Variants in APP observed in about 807,000 individuals in gnomAD.
APP encodes amyloid beta precursor protein.
In APP, 31 loss-of-function variants were observed where a neutral mutation model predicts 101.4. That is an observed-to-expected ratio of 0.31 (90% CI 0.23 to 0.41). The LOEUF is 0.41. APP is among the 10% of genes least tolerant of loss of function. APP has a pLI of 1.00. For synonymous variants in APP, 366 were observed against 364.4 expected, an observed-to-expected ratio of 1.00 and a Z score of -0.05; for missense variants, 839 against 1,003.7, an observed-to-expected ratio of 0.84 and a Z score of 2.22.
intron 2 of APP, among the ~76,000 whole-genome samples, chr21:26,108,150 G>A (rs576181745): frequency 2.0e-5 from 3 of 152,202 alleles, no homozygotes; most frequent in African/African-American, 4.8e-5. Flanking sequence ...ACTGTTCCAC[G>A]GAAACAGAAT....
chr21:25,939,827 A>T (rs959544288), intron 13 of APP, among the ~76,000 whole-genome samples: 3 of 152,212 alleles, frequency 2.0e-5, no homozygotes, highest in African/African-American at 4.8e-5. Context: ...ATTACAAAAA[A>T]AAAAAGTACT....
intron 3 of APP, among the ~76,000 whole-genome samples, chr21:26,076,708 C>G (rs536839252): frequency 6.6e-6 from 1 of 152,170 alleles, no homozygotes; most frequent in African/African-American, 2.4e-5. Context: ...CACAGTTTAG[C>G]TTTATCTAAT....
At chr21:26,042,303 T>C (rs1287246127) in intron 5 of APP, among the ~76,000 whole-genome samples, 1 of 152,212 alleles carries the variant, frequency 6.6e-6, no homozygotes, top group Admixed American at 6.5e-5. Context: ...TGAATAGACA[T>C]AAATTCTCAT....
chr21:26,021,814 G>C, intron 6 of APP, 26 bp downstream of exon 6: 1 of 1,610,454 alleles, frequency 6.2e-7, no homozygotes, highest in East Asian at 2.2e-5. Context: ...TGGGGGTGGG[G>C]GGAATCCAAG....
intron 2 of APP, among the ~76,000 whole-genome samples, chr21:26,108,064 C>A (rs2062224482): frequency 6.6e-6 from 1 of 152,180 alleles, no homozygotes; most frequent in Non-Finnish European, 1.5e-5. Context: ...CCTCCCTCTC[C>A]CACTTGCCAG....
rs886056998 is a variant in APP at position 26,170,752 on chromosome 21, C to G, written c.-132G>C. The stretch of plus-strand genomic sequence containing the variant: ...CGCTCCTCCGCGTGCTCTCGCCTAC[C>G]GCTGCCGAGGAAACTGACGGAGCCC... On this transcript the variant is annotated 5_prime_UTR_variant, in exon 1 of 18. Transcript: ENST00000346798. The G allele has an allele frequency of 3.0e-6, 3 of 990,850 alleles. No homozygotes were observed. Among genetic ancestry groups the G allele is most frequent in the African/African-American group, 1.7e-5 (1 of 57,858 alleles). The allele number at this position is 990,850 out of a possible 1,614,324, so 61.4% of individuals were successfully genotyped here. A position where few individuals can be genotyped will look rare whatever the true frequency, so the allele number is the denominator to read the frequency against.
chr21:26,002,816 A>G (rs558641598), intron 6 of APP, among the ~76,000 whole-genome samples: 3 of 152,348 alleles, frequency 2.0e-5, no homozygotes, highest in Admixed American at 6.5e-5. Flanking sequence ...GTGTCTTCTT[A>G]TAGATGTGTG....
At chr21:26,020,662 A>C (rs2044296430) in intron 6 of APP, among the ~76,000 whole-genome samples, 1 of 152,328 alleles carries the variant, frequency 6.6e-6, no homozygotes, top group East Asian at 1.9e-4. Flanking sequence ...TTCAGTAAGT[A>C]CATATTCATT....
At chr21:25,974,430 G>C (rs1007026032) in intron 11 of APP, among the ~76,000 whole-genome samples, 41 of 152,108 alleles carry the variant, frequency 2.7e-4, no homozygotes, top group Middle Eastern at 3.2e-3. Flanking sequence ...AGGCATGAGG[G>C]CAGAGCCTTC....
At chr21:25,882,316 G>T (rs2037042835) in intron 17 of APP, among the ~76,000 whole-genome samples, 2 of 150,266 alleles carry the variant, frequency 1.3e-5, no homozygotes, top group Non-Finnish European at 2.9e-5. Flanking sequence ...TTAAGGAGAG[G>T]TTTGAGAATC....
At chr21:26,162,704 C>T (rs2063516323) in intron 1 of APP, among the ~76,000 whole-genome samples, 1 of 150,976 alleles carries the variant, frequency 6.6e-6, no homozygotes, top group Admixed American at 6.6e-5. Flanking sequence ...CATTTCTTCA[C>T]TTAACACAAA....
intron 6 of APP, among the ~76,000 whole-genome samples, chr21:26,008,302 A>G (rs2043627652): frequency 6.6e-6 from 1 of 152,200 alleles, no homozygotes; most frequent in African/African-American, 2.4e-5. Flanking sequence ...AACACTCACA[A>G]AAGGGTACCA....
chr21:25,946,945 G>C (rs2040848856), intron 13 of APP, among the ~76,000 whole-genome samples: 1 of 152,146 alleles, frequency 6.6e-6, no homozygotes, highest in Non-Finnish European at 1.5e-5. Flanking sequence ...GAATGGTAGA[G>C]AGCGCAATAT....
chr21:26,044,980 C>G (rs2045543622), intron 5 of APP, among the ~76,000 whole-genome samples: 1 of 152,136 alleles, frequency 6.6e-6, no homozygotes, highest in Non-Finnish European at 1.5e-5. Flanking sequence ...TATTCCTTGC[C>G]ATTTTATGAT....
chr21:25,908,824 C>G (rs56165495), intron 14 of APP, among the ~76,000 whole-genome samples: 110 of 152,132 alleles, frequency 7.2e-4, no homozygotes, highest in African/African-American at 2.0e-3. Context: ...ATTTTACAGA[C>G]GAGGAAGCAG....
intron 3 of APP, among the ~76,000 whole-genome samples, chr21:26,065,502 A>G (rs2046422954): frequency 6.6e-6 from 1 of 152,218 alleles, no homozygotes; most frequent in Non-Finnish European, 1.5e-5. Context: ...TCACATATAT[A>G]CCGAAAATTC....
chr21:26,054,327 A>G (rs770332907), intron 3 of APP, among the ~76,000 whole-genome samples: 18 of 152,172 alleles, frequency 1.2e-4, no homozygotes, highest in Non-Finnish European at 2.5e-4. Flanking sequence ...TTGCCATTAT[A>G]CCCCCACAAT....
At chr21:25,972,759 G>A (rs1298865578) in intron 11 of APP, among the ~76,000 whole-genome samples, 1 of 151,804 alleles carries the variant, frequency 6.6e-6, no homozygotes, top group East Asian at 1.9e-4. Flanking sequence ...AGCTGGATCT[G>A]CGCAAAGAGT....
Position 26,121,622 on chromosome 21 carries a change from G to A in APP, c.58-9476C>T, listed in dbSNP as rs1350443450. Among the ~76,000 whole-genome samples, 9 of 152,122 alleles carry A rather than the reference G, an allele frequency of 5.9e-5. No individual in the cohort carries two copies. In the East Asian group the frequency reaches 1.2e-3, roughly 20 times the overall value. On this transcript the variant is annotated intron_variant, in intron 1 of 17. Transcript: ENST00000346798. ...AGGCTGATCTCGAACTCCTGACCTCGTGAGCCACCGCGCCTGGCCTTACAG... is the reference window on the plus strand; with the variant it reads ...AGGCTGATCTCGAACTCCTGACCTCATGAGCCACCGCGCCTGGCCTTACAG...
Sources: allele counts gnomAD v4.1 joint callset (sites outside exome capture counted in the v4.1 genomes callset), GRCh38; gene constraint gnomAD v4.1.1; transcripts MANE v1.5; gene names NCBI Gene and HGNC (gene_info 2026-07-23, HGNC 2026-07-21).